APBB2: variants seen among roughly 807,000 people sequenced by gnomAD.
The protein encoded by APBB2 is amyloid beta precursor protein binding family B member 2, also known as Fe65-like 1.
Under a neutral mutation model 82.5 loss-of-function variants are expected in APBB2, and 38 were observed. The observed-to-expected ratio is 0.46, with a 90% CI of 0.36 to 0.60. APBB2 has a LOEUF of 0.60. APBB2 is among the 20% of genes least tolerant of loss of function. The pLI, the probability that APBB2 is intolerant of heterozygous loss-of-function variation, is 0.00. For missense variants in APBB2, 772 were observed against 972.3 expected (o/e 0.79, Z 2.74); for synonymous variants, 341 against 368.2 (o/e 0.93, Z 0.85).
At chr4:41,111,689 C>G (rs567461175) in intron 2 of APBB2, among the ~76,000 whole-genome samples, 10 of 152,178 alleles carry the variant, frequency 6.6e-5, no homozygotes, top group Non-Finnish European at 1.5e-4. Flanking sequence ...CATATTTGGA[C>G]ATTTCCATTC....
intron 3 of APBB2, among the ~76,000 whole-genome samples, chr4:41,070,549 G>A (rs372419152): frequency 1.1e-4 from 16 of 152,220 alleles, no homozygotes; most frequent in East Asian, 5.8e-4. Context: ...CGATCCACCC[G>A]CCTCGGCCTC....
intron 6 of APBB2, among the ~76,000 whole-genome samples, chr4:40,998,761 C>T (rs974553770): frequency 6.6e-6 from 1 of 152,100 alleles, no homozygotes; most frequent in African/African-American, 2.4e-5. Context: ...TGCTTTGGGT[C>T]ATTATTAAGT....
At chr4:40,857,068 C>A (rs902024152) in intron 12 of APBB2, 2 of 985,490 alleles carry the variant, frequency 2.0e-6, no homozygotes, top group African/African-American at 3.5e-5. Flanking sequence ...GGATGCCGCC[C>A]CAGGTGCTAC....
At chr4:40,827,365 G>A in intron 13 of APBB2, 146 bp from the exon 14 acceptor site, 3 of 627,832 alleles carry the variant, frequency 4.8e-6, no homozygotes, top group Non-Finnish European at 8.5e-6. Flanking sequence ...CTGCATCTCT[G>A]GGGCTACATA....
intron 12 of APBB2, among the ~76,000 whole-genome samples, chr4:40,835,484 CA>C (rs1340339208): frequency 1.3e-5 from 2 of 152,152 alleles, no homozygotes; most frequent in African/African-American, 4.8e-5. Flanking sequence ...GCTCAAAGAA[CA>C]TTGAAACAGG....
At chr4:41,123,981 T>C (rs1753651971) in intron 2 of APBB2, among the ~76,000 whole-genome samples, 1 of 152,218 alleles carries the variant, frequency 6.6e-6, no homozygotes, top group African/African-American at 2.4e-5. Context: ...TACTCAACTC[T>C]GCTGCTGTAC....
chr4:40,982,460 T>A (rs56317944), intron 6 of APBB2, among the ~76,000 whole-genome samples: 32,441 of 62,974 alleles, frequency 0.52, 8,653 homozygotes, highest in East Asian at 0.63. Context: ...AAAGAATGAA[T>A]GAATTTGAGA....
At chr4:40,900,456 T>TG (rs1264919131) in intron 10 of APBB2, among the ~76,000 whole-genome samples, 2 of 135,956 alleles carry the variant, frequency 1.5e-5, no homozygotes, top group African/African-American at 6.7e-5. Flanking sequence ...GGAAGGAGGT[T>TG]TTTTTTTTTT....
intron 10 of APBB2, among the ~76,000 whole-genome samples, chr4:40,910,747 T>C (rs1262399379): frequency 1.3e-5 from 2 of 152,242 alleles, no homozygotes; most frequent in African/African-American, 2.4e-5. Context: ...TGAAATATCA[T>C]GGCAAGGCTA....
intron 1 of APBB2, among the ~76,000 whole-genome samples, chr4:41,191,203 T>A (rs1774334448): frequency 6.6e-6 from 1 of 152,182 alleles, no homozygotes; most frequent in Admixed American, 6.5e-5. Context: ...GTGGACAACT[T>A]CTACCACATG....
At chr4:40,819,132 G>T (rs185338167) in intron 17 of APBB2, among the ~76,000 whole-genome samples, 1 of 150,872 alleles carries the variant, frequency 6.6e-6, no homozygotes, top group East Asian at 1.9e-4. Flanking sequence ...AAAGTAAAAG[G>T]TCTCTCTAAC....
chr4:40,961,588 T>C (rs1417405909), intron 6 of APBB2, among the ~76,000 whole-genome samples: 1 of 142,948 alleles, frequency 7.0e-6, no homozygotes, highest in Non-Finnish European at 1.5e-5. Context: ...GGCACATGTA[T>C]GCATATGTAA....
At chr4:40,994,773 C>G (rs1219214445) in intron 6 of APBB2, among the ~76,000 whole-genome samples, 1 of 143,132 alleles carries the variant, frequency 7.0e-6, no homozygotes, top group Non-Finnish European at 1.5e-5. Context: ...AAGATTGTGC[C>G]ACTACACTCC....
At chr4:41,118,825 A>G (rs1751916200) in intron 2 of APBB2, among the ~76,000 whole-genome samples, 1 of 152,184 alleles carries the variant, frequency 6.6e-6, no homozygotes, top group Non-Finnish European at 1.5e-5. Flanking sequence ...GTTTTCCTGT[A>G]AATCTAAAAA....
chr4:40,847,525 G>A (rs1024495919), intron 12 of APBB2, among the ~76,000 whole-genome samples: 3 of 152,254 alleles, frequency 2.0e-5, no homozygotes, highest in South Asian at 2.1e-4. Context: ...GCACAGGAAC[G>A]CATAAGGATT....
chr4:40,911,381 T>G (rs1778506212), intron 10 of APBB2, among the ~76,000 whole-genome samples: 1 of 152,218 alleles, frequency 6.6e-6, no homozygotes, highest in Non-Finnish European at 1.5e-5. Flanking sequence ...GTGTATAAAG[T>G]GCTCACAATG....
At chr4:41,188,634 T>A (rs965231973) in intron 1 of APBB2, among the ~76,000 whole-genome samples, 1 of 152,218 alleles carries the variant, frequency 6.6e-6, no homozygotes, top group African/African-American at 2.4e-5. Context: ...GAGAAATAAG[T>A]GTCTGTTGTT....
At chr4:41,046,814 G>A (rs1194668284) in intron 4 of APBB2, among the ~76,000 whole-genome samples, 1 of 152,202 alleles carries the variant, frequency 6.6e-6, no homozygotes, top group African/African-American at 2.4e-5. Context: ...CACCCTGGCA[G>A]GCTCTATTCA....
intron 2 of APBB2, among the ~76,000 whole-genome samples, chr4:41,122,020 G>A (rs1298419303): frequency 1.3e-5 from 2 of 152,002 alleles, no homozygotes; most frequent in African/African-American, 4.8e-5. Flanking sequence ...TTGACTTCCC[G>A]AGCTCAAGCA....
Sources: gnomAD v4.1 joint callset for allele counts (sites outside exome capture counted in the v4.1 genomes callset) on GRCh38, gnomAD v4.1.1 for gene constraint, MANE v1.5 for transcripts, NCBI Gene and HGNC (gene_info 2026-07-23, HGNC 2026-07-21) for gene names.